ZNF521: variants seen among roughly 807,000 people sequenced by gnomAD.
ZNF521 encodes the protein LYST-interacting protein 3.
Under a neutral mutation model 105.5 loss-of-function variants are expected in ZNF521, and 14 were observed. The observed-to-expected ratio is 0.13, with a 90% CI of 0.09 to 0.21. The LOEUF is 0.21. ZNF521 is among the 10% of genes least tolerant of loss of function. The pLI is 1.00. For synonymous variants in ZNF521, 635 were observed against 606.0 expected, an observed-to-expected ratio of 1.05 and a Z score of -0.70; for missense variants, 1,233 against 1,629.7, an observed-to-expected ratio of 0.76 and a Z score of 4.19.
chr18:25,097,272 T>C (rs1240652168), intron 5 of ZNF521, among the ~76,000 whole-genome samples: 2 of 152,192 alleles, frequency 1.3e-5, no homozygotes, highest in Non-Finnish European at 2.9e-5. Context: ...TGTTGTATTA[T>C]ATACAGCACA....
At chr18:25,063,796 T>G (rs1443271961) in intron 7 of ZNF521, among the ~76,000 whole-genome samples, 2 of 152,150 alleles carry the variant, frequency 1.3e-5, no homozygotes, top group Non-Finnish European at 2.9e-5. Flanking sequence ...GGAGCCATGT[T>G]CTCTCACTAC....
chr18:25,260,913 AT>A (rs1908864039), intron 3 of ZNF521, among the ~76,000 whole-genome samples: 1 of 152,188 alleles, frequency 6.6e-6, no homozygotes, highest in African/African-American at 2.4e-5. Flanking sequence ...TACTCTATAA[AT>A]AATAGATATC....
chr18:25,133,853 TA>T (rs1339687796), intron 5 of ZNF521, among the ~76,000 whole-genome samples: 35 of 152,110 alleles, frequency 2.3e-4, no homozygotes, highest in African/African-American at 8.2e-4. Context: ...GTATAATGTG[TA>T]GACTTATTGA....
intron 2 of ZNF521, among the ~76,000 whole-genome samples, chr18:25,329,537 A>T (rs993140238): frequency 6.6e-6 from 1 of 152,210 alleles, no homozygotes; most frequent in South Asian, 2.1e-4. Context: ...AGGTAAGGCC[A>T]CAGATACGTA....
chr18:25,151,675 G>A (rs11875041), intron 5 of ZNF521, among the ~76,000 whole-genome samples: 3,130 of 152,200 alleles, frequency 0.021, 108 homozygotes, highest in African/African-American at 0.071. Context: ...TTAGCAGTAG[G>A]GTAGGAAGGA....
chr18:25,304,778 C>G (rs1196361070), intron 3 of ZNF521, among the ~76,000 whole-genome samples: 1 of 152,198 alleles, frequency 6.6e-6, no homozygotes, highest in Non-Finnish European at 1.5e-5. Flanking sequence ...TGAAGAGTCA[C>G]AGAATTTACC....
chr18:25,318,063 T>C (rs777816868), intron 3 of ZNF521, among the ~76,000 whole-genome samples: 11 of 152,048 alleles, frequency 7.2e-5, no homozygotes, highest in Non-Finnish European at 1.6e-4. Flanking sequence ...AAACTAAAAA[T>C]AAAGTATCCA....
At chr18:25,116,902 T>TATATATATAC (rs1157129183) in intron 5 of ZNF521, among the ~76,000 whole-genome samples, 2 of 142,480 alleles carry the variant, frequency 1.4e-5, no homozygotes, top group African/African-American at 5.4e-5. Context: ...TATATATATG[T>TATATATATAC]GTATATATAC....
At chr18:25,268,471 A>G (rs1287783875) in intron 3 of ZNF521, among the ~76,000 whole-genome samples, 2 of 152,228 alleles carry the variant, frequency 1.3e-5, no homozygotes, top group Non-Finnish European at 1.5e-5. Flanking sequence ...ACCAAGACAC[A>G]TAATCGTCAG....
intron 3 of ZNF521, among the ~76,000 whole-genome samples, chr18:25,292,011 G>A (rs146070156): frequency 4.1e-4 from 62 of 152,066 alleles, no homozygotes; most frequent in African/African-American, 1.4e-3. Flanking sequence ...GCTCATAATA[G>A]GCGCTCAATG....
intron 3 of ZNF521, among the ~76,000 whole-genome samples, chr18:25,312,060 C>T (rs1387166103): frequency 6.6e-6 from 1 of 152,090 alleles, no homozygotes; most frequent in Non-Finnish European, 1.5e-5. Context: ...TAATCAGTAG[C>T]TTTCTTGTGA....
chr18:25,157,079 G>A (rs2035159257), intron 5 of ZNF521, among the ~76,000 whole-genome samples: 1 of 152,072 alleles, frequency 6.6e-6, no homozygotes, highest in African/African-American at 2.4e-5. Flanking sequence ...GGCACCTGCA[G>A]TCCCAGCTAC....
intron 3 of ZNF521, among the ~76,000 whole-genome samples, chr18:25,317,149 G>A (rs1035244846): frequency 9.2e-5 from 14 of 151,948 alleles, no homozygotes; most frequent in East Asian, 1.9e-4. Context: ...GAGCCACGAC[G>A]CCCGGCCTCT....
At chr18:25,327,959 T>C (rs1913330142) in intron 2 of ZNF521, among the ~76,000 whole-genome samples, 1 of 152,180 alleles carries the variant, frequency 6.6e-6, no homozygotes, top group African/African-American at 2.4e-5. Context: ...AGCAGGATTA[T>C]GATGGGCATC....
chr18:25,108,701 T>C (rs1018101819), intron 5 of ZNF521, among the ~76,000 whole-genome samples: 1 of 152,172 alleles, frequency 6.6e-6, no homozygotes, highest in Admixed American at 6.5e-5. Context: ...CTTGGCTCAC[T>C]GCCATCTCCG....
chr18:25,096,581 A>AT (rs1281486052), intron 5 of ZNF521, among the ~76,000 whole-genome samples: 1 of 151,980 alleles, frequency 6.6e-6, no homozygotes, highest in African/African-American at 2.4e-5. Flanking sequence ...TTTTCCTTCA[A>AT]TAAAAACAAA....
intron 5 of ZNF521, among the ~76,000 whole-genome samples, chr18:25,130,464 C>T (rs1186776223): frequency 1.3e-5 from 2 of 152,006 alleles, no homozygotes; most frequent in Admixed American, 6.6e-5. Context: ...ACAGAGTGAA[C>T]CCTAATATAA....
chr18:25,117,926 C>T (rs928595052), intron 5 of ZNF521, among the ~76,000 whole-genome samples: 23 of 151,982 alleles, frequency 1.5e-4, no homozygotes, highest in African/African-American at 5.3e-4. Context: ...AAGAAAACCA[C>T]ATAAGCATAT....
At chr18:25,102,947 G>A (rs906628336) in intron 5 of ZNF521, among the ~76,000 whole-genome samples, 6 of 152,124 alleles carry the variant, frequency 3.9e-5, no homozygotes, top group African/African-American at 1.2e-4. Context: ...ACAAATCAAG[G>A]CCTGAATTTA....
Sources: gnomAD v4.1 joint callset for allele counts (sites outside exome capture counted in the v4.1 genomes callset) on GRCh38, gnomAD v4.1.1 for gene constraint, MANE v1.5 for transcripts, NCBI Gene and HGNC (gene_info 2026-07-23, HGNC 2026-07-21) for gene names.